Variants in MAST2 observed in about 807,000 individuals in gnomAD.
MAST2 encodes microtubule-associated serine/threonine-protein kinase 2.
MAST2 carries 70 observed loss-of-function variants against 147.4 expected under a neutral mutation model. The observed-to-expected ratio is 0.47, with a 90% CI of 0.39 to 0.58. The LOEUF (loss-of-function observed/expected upper bound fraction) is 0.58. Ranked by LOEUF, MAST2 falls within the 20% of genes least tolerant of loss-of-function variation. The pLI is 0.00. For synonymous variants in MAST2, 869 were observed against 896.8 expected, an observed-to-expected ratio of 0.97 and a Z score of 0.55; for missense variants, 2,080 against 2,302.3, an observed-to-expected ratio of 0.90 and a Z score of 1.98.
intron 3 of MAST2, among the ~76,000 whole-genome samples, chr1:45,837,451 G>T (rs574897653): frequency 6.6e-6 from 1 of 152,204 alleles, no homozygotes; most frequent in African/African-American, 2.4e-5. Context: ...TCAATAGTTT[G>T]TTCCTCTTTA....
At chr1:45,882,498 A>C in intron 4 of MAST2, 103 bp downstream of exon 4, 3 of 903,990 alleles carry the variant, frequency 3.3e-6, no homozygotes, top group Admixed American at 2.2e-5. Context: ...TCAGTACACA[A>C]TTTCTTTCTG....
At chr1:45,997,120 C>T (rs1490799539) in intron 5 of MAST2, among the ~76,000 whole-genome samples, 1 of 152,148 alleles carries the variant, frequency 6.6e-6, no homozygotes, top group African/African-American at 2.4e-5. Context: ...AGCTTCTGAG[C>T]TTTAAGTTAG....
At chr1:45,819,536 G>C (rs1361438436) in intron 1 of MAST2, among the ~76,000 whole-genome samples, 1 of 152,096 alleles carries the variant, frequency 6.6e-6, no homozygotes, top group Non-Finnish European at 1.5e-5. Context: ...AACACACAGA[G>C]ATCAGTAGTG....
intron 3 of MAST2, among the ~76,000 whole-genome samples, chr1:45,874,957 G>A (rs577114381): frequency 6.6e-6 from 1 of 152,138 alleles, no homozygotes; most frequent in East Asian, 1.9e-4. Context: ...CAGACCAGGA[G>A]AACAGTAAGT....
At chr1:45,899,235 T>G (rs1041372883) in intron 4 of MAST2, among the ~76,000 whole-genome samples, 2 of 152,062 alleles carry the variant, frequency 1.3e-5, no homozygotes, top group Non-Finnish European at 2.9e-5. Flanking sequence ...TAATTAAATT[T>G]TATTTGGAGG....
At chr1:45,943,967 G>A (rs1050382566) in intron 4 of MAST2, among the ~76,000 whole-genome samples, 7 of 152,076 alleles carry the variant, frequency 4.6e-5, no homozygotes, top group African/African-American at 1.7e-4. Context: ...TGAATTCTGA[G>A]GATGTCCTGC....
intron 4 of MAST2, among the ~76,000 whole-genome samples, chr1:45,890,426 C>A (rs1452207933): frequency 6.6e-6 from 1 of 152,178 alleles, no homozygotes; most frequent in Non-Finnish European, 1.5e-5. Context: ...CAGAGAGTGG[C>A]CTTCTTGCTG....
Position 45,841,142 on chromosome 1 carries a change from T to TG in MAST2, c.468+11566dup, listed in dbSNP as rs200648863. ...TATTATTTGTAATGGGGGTTGGGGG[T>TG]GGGGGCTCCCTGTGCTGCCCAGGCT... On this transcript the variant is annotated intron_variant, in intron 3 of 28. Transcript: ENST00000361297. Among the ~76,000 whole-genome samples the TG allele has an allele frequency of 5.2e-3, 792 of 151,420 alleles. 5 individuals are homozygous for TG. The highest frequency in any genetic ancestry group is 0.024 in the Middle Eastern group (7 of 294).
intron 5 of MAST2, among the ~76,000 whole-genome samples, chr1:45,967,080 GC>G (rs1447012133): frequency 6.6e-6 from 1 of 151,242 alleles, no homozygotes; most frequent in African/African-American, 2.4e-5. Flanking sequence ...GCCCAGGCAG[GC>G]TTTTTTTTTT....
chr1:45,869,896 C>G (rs1354235323), intron 3 of MAST2, among the ~76,000 whole-genome samples: 1 of 148,482 alleles, frequency 6.7e-6, no homozygotes, highest in Non-Finnish European at 1.5e-5. Flanking sequence ...TTGAAGATCT[C>G]TGTTCCTGTG....
chr1:45,954,548 C>T (rs1428299925), intron 4 of MAST2, among the ~76,000 whole-genome samples: 1 of 152,142 alleles, frequency 6.6e-6, no homozygotes, highest in African/African-American at 2.4e-5. Context: ...GGCTACCACC[C>T]GTCCGCTGAG....
chr1:45,949,995 T>TGCGGAGTGAATGAAG (rs1658694860), intron 4 of MAST2, among the ~76,000 whole-genome samples: 1 of 152,058 alleles, frequency 6.6e-6, no homozygotes, highest in Non-Finnish European at 1.5e-5. Flanking sequence ...TGTTCTTACT[T>TGCGGAGTGAATGAAG]ATAAGTGGGA....
intron 4 of MAST2, among the ~76,000 whole-genome samples, chr1:45,916,755 G>A (rs1652588501): frequency 6.6e-6 from 1 of 152,104 alleles, no homozygotes; most frequent in South Asian, 2.1e-4. Context: ...TAGTAAATTT[G>A]CAGTGTTTGG....
chr1:45,898,875 C>G (rs753801870), intron 4 of MAST2, among the ~76,000 whole-genome samples: 5 of 152,170 alleles, frequency 3.3e-5, no homozygotes, highest in Non-Finnish European at 7.3e-5. Context: ...CATGGGATGT[C>G]TACTTATCCA....
rs1417984008 is a variant in MAST2, at chr1:46,032,612, G to T, written c.3431G>T (p.Gly1144Val). ...HHMVWHVEDG[G>V]PASEAGLRQG... ...CTGGCACAGCACGTGGAGGATGGAG[G>T]TCCGGCCAGTGAGGCAGGGCTTCGT... The change falls in exon 26 of 29, where the codon GGT becomes GTT. Residue 1144 changes from glycine to valine, a missense_variant. Physicochemically the swap from Gly to Val is moderately radical, Grantham distance 109. Coordinates refer to ENST00000361297, the MANE Select transcript of MAST2 (RefSeq NM_015112.3). 3 of 1,614,030 alleles carry T rather than the reference G, an allele frequency of 1.9e-6. No homozygotes were observed. The highest frequency in any genetic ancestry group is 2.5e-6 in the Non-Finnish European group (3 of 1,180,008).
intron 4 of MAST2, among the ~76,000 whole-genome samples, chr1:45,907,182 C>T (rs149279404): frequency 1.6e-3 from 240 of 152,272 alleles, no homozygotes; most frequent in Non-Finnish European, 2.9e-3. Context: ...TATATTGTGA[C>T]TTATTTTTCT....
chr1:46,031,431 G>A lies in MAST2; in HGVS notation c.3033G>A (p.Glu1011=), dbSNP rs202115499. Residue 1011 remains glutamate (E), a synonymous_variant, in exon 24 of 29, where the codon GAG becomes GAA. Transcript: ENST00000361297. The surrounding 1 kb of genome is among the most constrained non-coding windows in gnomAD (Gnocchi z 4.1). The stretch of plus-strand genomic sequence containing the variant: ...GCCGTGGGACCTCACAGCTGGCTGA[G>A]GGAGCCACAGCCAAGGCCATCAGTG... ...TRGRGTSQLA[E]GATAKAISDL... The A allele has an allele frequency of 1.9e-6, 3 of 1,613,974 alleles. No individual in the cohort carries two copies. The highest frequency in any genetic ancestry group is 2.5e-6 in the Non-Finnish European group (3 of 1,179,936).
chr1:45,868,508 G>T (rs966689735), intron 3 of MAST2, among the ~76,000 whole-genome samples: 1 of 152,020 alleles, frequency 6.6e-6, no homozygotes, highest in Non-Finnish European at 1.5e-5. Flanking sequence ...AAACTAAATT[G>T]TATAGTATTT....
chr1:46,024,003 G>A (rs1184778041), intron 15 of MAST2, 23 bp downstream of exon 15: 1 of 1,609,722 alleles, frequency 6.2e-7, no homozygotes, highest in Non-Finnish European at 8.5e-7. Flanking sequence ...AGGTGGCCTG[G>A]CATGGAGGCC....
Sources: allele counts gnomAD v4.1 joint callset (sites outside exome capture counted in the v4.1 genomes callset), GRCh38; gene constraint gnomAD v4.1.1; non-coding constraint Gnocchi (gnomAD v3.1); transcripts MANE v1.5; gene names NCBI Gene and HGNC (gene_info 2026-07-23, HGNC 2026-07-21).